Variants in KIAA0753 observed in about 807,000 individuals in gnomAD.
The protein encoded by KIAA0753 is KIAA0753.
In KIAA0753, 114 loss-of-function variants were observed where a neutral mutation model predicts 116.9. The observed-to-expected ratio is 0.98, with a 90% confidence interval of 0.84 to 1.14. The LOEUF (loss-of-function observed/expected upper bound fraction) is 1.14, where lower values mean the gene tolerates loss of function less well. KIAA0753 is among the 50% of genes most tolerant of loss of function. The pLI is 0.00. For missense variants in KIAA0753, 1,156 were observed against 1,172.4 expected, an observed-to-expected ratio of 0.99 and a Z score of 0.20; for synonymous variants, 405 against 413.1, an observed-to-expected ratio of 0.98 and a Z score of 0.24.
intron 9 of KIAA0753, among the ~76,000 whole-genome samples, chr17:6,609,199 G>C (rs1395151989): frequency 6.6e-6 from 1 of 152,190 alleles, no homozygotes; most frequent in African/African-American, 2.4e-5. Flanking sequence ...CCTGACTTCT[G>C]ATGGCTCCAA....
chr17:6,628,213 T>C lies in KIAA0753; in HGVS notation c.622A>G (p.Lys208Glu), dbSNP rs200246752. Residue 208 changes from lysine to glutamate, a missense_variant, in exon 3 of 19, where the codon AAA becomes GAA. By Grantham distance (56) the Lys-to-Glu change is moderately conservative. Transcript: ENST00000361413. ...LQPHPRIGDH[K>E]NISEQKSLLE... Reference sequence around the variant, plus strand: ...AGGCTTTTCTGTTCACTTATGTTTTTGTGGTCACCTATCCTGGGATGAGGC... The same window carrying C: ...AGGCTTTTCTGTTCACTTATGTTTTCGTGGTCACCTATCCTGGGATGAGGC... 2.2e-4 allele frequency: 357 copies of C among 1,614,128 alleles called. 1 individual carries two copies. Among genetic ancestry groups the C allele is most frequent in the Middle Eastern group, 8.2e-4 (5 of 6,084 alleles).
chr17:6,631,583 G>A (rs1009312790), intron 2 of KIAA0753, among the ~76,000 whole-genome samples: 1 of 152,092 alleles, frequency 6.6e-6, no homozygotes, highest in East Asian at 1.9e-4. Context: ...AAGAGAAGGA[G>A]GAAGGGAAGA....
At chr17:6,580,840 T>A (rs1470062562) in intron 18 of KIAA0753, among the ~76,000 whole-genome samples, 19 of 151,636 alleles carry the variant, frequency 1.3e-4, no homozygotes, top group Admixed American at 1.2e-3. Flanking sequence ...GGAAGGGGTG[T>A]GCCTTCTCTG....
intron 10 of KIAA0753, among the ~76,000 whole-genome samples, chr17:6,607,657 A>T (rs894926333): frequency 2.6e-5 from 4 of 152,242 alleles, no homozygotes; most frequent in Admixed American, 1.3e-4. Context: ...AACTGTGAAC[A>T]ACTCTGCTGT....
intron 3 of KIAA0753, among the ~76,000 whole-genome samples, chr17:6,627,146 T>C (rs916301495): frequency 6.6e-6 from 1 of 152,214 alleles, no homozygotes; most frequent in African/African-American, 2.4e-5. Flanking sequence ...TTTTCTGTCT[T>C]AGACTTTGTA....
Position 6,620,808 on chromosome 17 carries a change from A to T in KIAA0753, c.1295T>A (p.Val432Glu). The T allele has an allele frequency of 6.2e-7, 1 of 1,614,174 alleles. No homozygotes were observed. The highest frequency in any genetic ancestry group is 8.5e-7 in the Non-Finnish European group (1 of 1,179,998). Reference sequence around the variant, plus strand: ...CATACCGGCAAGAAGCTGCTTTGCTACAGAAGGTCGACTTGTTTCCTGTGG... The same window carrying T: ...CATACCGGCAAGAAGCTGCTTTGCTTCAGAAGGTCGACTTGTTTCCTGTGG... ...TFPQETSRPS[V>E]AKQLLADKYQ... Residue 432 changes from valine (V) to glutamate (E), a missense_variant, in exon 7 of 19, where the codon GTA (valine) becomes GAA (glutamate). Physicochemically the swap from Val to Glu is moderately radical, Grantham distance 121. Coordinates refer to ENST00000361413, the MANE Select transcript of KIAA0753 (RefSeq NM_014804.3).
At chr17:6,624,325 T>C (rs1379525812) in intron 4 of KIAA0753, among the ~76,000 whole-genome samples, 3 of 152,098 alleles carry the variant, frequency 2.0e-5, no homozygotes, top group Admixed American at 6.6e-5. Context: ...AAACATGAAA[T>C]AGATGGGAAA....
chr17:6,583,485 G>A (rs1028452661), intron 18 of KIAA0753, among the ~76,000 whole-genome samples: 4 of 152,032 alleles, frequency 2.6e-5, no homozygotes, highest in South Asian at 2.1e-4. Flanking sequence ...CCAACAACAC[G>A]TTAGACCTTC....
chr17:6,590,127 AAACTGAACAAC>A (rs1968888120), intron 17 of KIAA0753, 124 bp from the exon 18 acceptor site: 15 of 796,510 alleles, frequency 1.9e-5, no homozygotes, highest in Non-Finnish European at 2.9e-5. Flanking sequence ...ACAATGAACA[AAACTGAACAAC>A]CTAACACCAT....
Position 6,578,812 on chromosome 17 carries a change from G to A in KIAA0753, c.*935C>T, listed in dbSNP as rs1257683917. On this transcript the variant is annotated 3_prime_UTR_variant, in exon 19 of 19. Coordinates refer to ENST00000361413, the MANE Select transcript of KIAA0753 (RefSeq NM_014804.3). Reference sequence around the variant, plus strand: ...CACAGGCTTTTCTCTTGGAAAACATGATCTGTAAGATGTTGGAGGACCAGG... The same window carrying A: ...CACAGGCTTTTCTCTTGGAAAACATAATCTGTAAGATGTTGGAGGACCAGG... The A allele has an allele frequency of 6.6e-6, 1 of 151,842 alleles. No individual in the cohort carries two copies. The highest frequency in any genetic ancestry group is 2.4e-5 in the African/African-American group (1 of 41,430). 9.4% of individuals were successfully genotyped at this position (151,842 alleles called of 1,614,324 possible).
chr17:6,613,051 G>A (rs1449014695), intron 7 of KIAA0753, among the ~76,000 whole-genome samples: 1 of 152,042 alleles, frequency 6.6e-6, no homozygotes, highest in Non-Finnish European at 1.5e-5. Context: ...GAAAATCAAA[G>A]AGACTTTACA....
intron 10 of KIAA0753, among the ~76,000 whole-genome samples, chr17:6,607,790 G>A (rs1970287683): frequency 6.6e-6 from 1 of 152,154 alleles, no homozygotes; most frequent in African/African-American, 2.4e-5. Flanking sequence ...TGAATACAGA[G>A]AAACCTGTTC....
At chr17:6,618,191 T>C (rs1302884972) in intron 7 of KIAA0753, among the ~76,000 whole-genome samples, 1 of 152,098 alleles carries the variant, frequency 6.6e-6, no homozygotes, top group Admixed American at 6.5e-5. Context: ...TCCTGGAAGG[T>C]GGCTCCCCTG....
In KIAA0753 at chr17:6,579,651, TG is replaced by T; in HGVS notation, c.*95del. On this transcript the variant is annotated 3_prime_UTR_variant, in exon 19 of 19. Coordinates refer to ENST00000361413, the MANE Select transcript of KIAA0753 (RefSeq NM_014804.3). ...GTGGGCAGCACCTTCTGGGCCTGGA[TG>T]GACAGCTGAGGATGAAAATTTCCTG... 1 of 829,340 alleles carries T rather than the reference TG, an allele frequency of 1.2e-6. No individual in the cohort carries two copies. Among genetic ancestry groups the T allele is most frequent in the Non-Finnish European group, 2.0e-6 (1 of 489,282 alleles). The allele number at this position is 829,340 out of a possible 1,614,324, so 51.4% of individuals were successfully genotyped here. A position where few individuals can be genotyped will look rare whatever the true frequency, so the allele number is the denominator to read the frequency against.
chr17:6,605,155 TGAA>T (rs1243941776), intron 12 of KIAA0753, among the ~76,000 whole-genome samples: 1 of 149,556 alleles, frequency 6.7e-6, no homozygotes, highest in African/African-American at 2.5e-5. Context: ...GCAAGTAAAC[TGAA>T]GAAGATTACA....
At position 6,620,920 on chromosome 17, in the gene KIAA0753, G is replaced by C. The variant is rs762114498; in HGVS notation, c.1183C>G (p.Pro395Ala). 3 of 1,614,148 alleles carry C rather than the reference G, an allele frequency of 1.9e-6. No individual in the cohort carries two copies. The East Asian group carries it at 6.7e-5, about 36-fold the overall frequency. Residue 395 changes from proline (P) to alanine (A), a missense_variant, in exon 7 of 19, where the codon CCT becomes GCT. Pro to Ala is a conservative substitution (Grantham distance 27). Transcript: ENST00000361413. ...KCFSEIRSRFPIGSQKALERW... is the reference protein window; with the variant it reads ...KCFSEIRSRFAIGSQKALERW... Reference sequence around the variant, plus strand: ...TCCAAGGCCTTTTGGCTACCGATAGGAAATCTGCTCCGAATTTCACTGAAA... The same window carrying C: ...TCCAAGGCCTTTTGGCTACCGATAGCAAATCTGCTCCGAATTTCACTGAAA...
Position 6,628,402 on chromosome 17 carries a change from C to T in KIAA0753, c.433G>A (p.Glu145Lys), listed in dbSNP as rs1289657468. 2.5e-6 allele frequency: 4 copies of T among 1,614,114 alleles called. No individual in the cohort carries two copies. The highest frequency in any genetic ancestry group is 2.7e-5 in the African/African-American group (2 of 74,944). Reference protein sequence around the residue: ...TKYKIPDHRVERKESKSQAAC... With the variant: ...TKYKIPDHRVKRKESKSQAAC... ...GCTTGACTCTTTGATTCCTTCCTTT[C>T]CACCCTGTGGTCGGGTATTTTATAC... Residue 145 changes from glutamate to lysine, a missense_variant, in exon 3 of 19, where the codon GAA becomes AAA. Coordinates refer to ENST00000361413, the MANE Select transcript of KIAA0753 (RefSeq NM_014804.3).
intron 2 of KIAA0753, among the ~76,000 whole-genome samples, chr17:6,631,387 T>G (rs2150917071): frequency 6.6e-6 from 1 of 152,338 alleles, no homozygotes; most frequent in East Asian, 1.9e-4. Context: ...AGAAACTACC[T>G]TTTGTACATT....
chr17:6,636,277 G>A (rs1221146278), intron 1 of KIAA0753: 2 of 152,148 alleles, frequency 1.3e-5, no homozygotes, highest in Non-Finnish European at 2.9e-5. Flanking sequence ...CAGATGGGAG[G>A]AGGCACATGA....
Sources: gnomAD v4.1 joint callset for allele counts (sites outside exome capture counted in the v4.1 genomes callset) on GRCh38, gnomAD v4.1.1 for gene constraint, MANE v1.5 for transcripts, NCBI Gene and HGNC (gene_info 2026-07-23, HGNC 2026-07-21) for gene names.